ANKRD36: variants seen among roughly 807,000 people sequenced by gnomAD.
ANKRD36 encodes ankyrin repeat domain 36, also known as ankyrin repeat domain-containing protein 36A.
ANKRD36 carries 179 observed loss-of-function variants against 278.1 expected under a neutral mutation model. That is an observed-to-expected ratio of 0.64 (90% confidence interval 0.57 to 0.73). The LOEUF (loss-of-function observed/expected upper bound fraction) is 0.73, where lower values mean the gene tolerates loss of function less well. Ranked by LOEUF, ANKRD36 falls within the 30% of genes least tolerant of loss-of-function variation. ANKRD36 has a pLI of 0.00. For missense variants in ANKRD36, 1,159 were observed against 1,956.7 expected (o/e 0.59, Z 7.69); for synonymous variants, 320 against 641.1 (o/e 0.50, Z 7.57).
At chr2:97,156,853 C>G (rs528244774) in intron 15 of ANKRD36, among the ~76,000 whole-genome samples, 5,582 of 150,734 alleles carry the variant, frequency 0.037, 333 homozygotes, top group African/African-American at 0.13. Flanking sequence ...TAAAAGTGTT[C>G]CTATTTCTCC....
rs757586669 is a variant in ANKRD36, at chr2:97,118,217, G to A, written c.312+39G>A. 11 of 1,577,776 alleles carry A rather than the reference G, an allele frequency of 7.0e-6. No individual in the cohort carries two copies. In the Admixed American group the frequency reaches 7.4e-5, roughly 11 times the overall value. Reference sequence around the variant, plus strand: ...GACTCTTTGAGCATGAGATGGATTTGGTTGAAGTACATAGGATAAAATGAA... The same window carrying A: ...GACTCTTTGAGCATGAGATGGATTTAGTTGAAGTACATAGGATAAAATGAA... On this transcript the variant is annotated intron_variant, in intron 2 of 75. Transcript: ENST00000420699.
At position 97,260,410 on chromosome 2, in the gene ANKRD36, A is replaced by G. The variant is rs147877393; in HGVS notation, c.*7-3919A>G. 1.2e-3 allele frequency among the ~76,000 whole-genome samples: 153 copies of G among 131,412 alleles called. 2 individuals are homozygous for G. The highest frequency in any genetic ancestry group is 3.4e-3 in the African/African-American group (114 of 33,832). 86.2% of individuals were successfully genotyped at this position (131,412 alleles called of 152,430 possible). ...CATATATACATACACACACATACACATATACACACACACAAACACACACAC... is the reference window on the plus strand; with the variant it reads ...CATATATACATACACACACATACACGTATACACACACACAAACACACACAC... On this transcript the variant is annotated intron_variant, in intron 75 of 75. Transcript: ENST00000420699.
intron 24 of ANKRD36, among the ~76,000 whole-genome samples, chr2:97,180,137 C>T (rs1316690820): frequency 6.6e-6 from 1 of 151,442 alleles, no homozygotes; most frequent in Non-Finnish European, 1.5e-5. Context: ...GTAGACTTCC[C>T]TACATTGAAA....
intron 67 of ANKRD36, among the ~76,000 whole-genome samples, chr2:97,226,082 C>T (rs1431848652): frequency 6.6e-6 from 1 of 151,780 alleles, no homozygotes; most frequent in Non-Finnish European, 1.5e-5. Flanking sequence ...GCCGCAAAAA[C>T]ATATGTGTGC....
At chr2:97,173,007 C>T (rs2053084826) in intron 22 of ANKRD36, among the ~76,000 whole-genome samples, 2 of 150,580 alleles carry the variant, frequency 1.3e-5, no homozygotes, top group African/African-American at 4.9e-5. Context: ...TTTTTTATAC[C>T]TGCAAAAAAT....
intron 22 of ANKRD36, among the ~76,000 whole-genome samples, chr2:97,176,854 G>A (rs1177188858): frequency 6.6e-6 from 1 of 151,648 alleles, no homozygotes; most frequent in Non-Finnish European, 1.5e-5. Context: ...TTGCTTGTCT[G>A]TAAAGTATTT....
intron 6 of ANKRD36, among the ~76,000 whole-genome samples, chr2:97,134,292 AAG>A (rs1559266073): frequency 6.6e-6 from 1 of 152,196 alleles, no homozygotes; most frequent in East Asian, 1.9e-4. Flanking sequence ...CATGTTGAAA[AAG>A]CATAATTTAT....
At chr2:97,177,015 C>T (rs2054467670) in intron 22 of ANKRD36, among the ~76,000 whole-genome samples, 1 of 151,654 alleles carries the variant, frequency 6.6e-6, no homozygotes, top group African/African-American at 2.4e-5. Context: ...AAATCACAAG[C>T]ATTCTTATAC....
intron 6 of ANKRD36, among the ~76,000 whole-genome samples, chr2:97,127,814 A>G (rs1330201846): frequency 6.6e-6 from 1 of 151,956 alleles, no homozygotes; most frequent in African/African-American, 2.4e-5. Flanking sequence ...TGCCTTCTTC[A>G]TTTGTTTTAC....
chr2:97,179,050 T>C (rs550199313), intron 22 of ANKRD36, among the ~76,000 whole-genome samples: 1 of 151,706 alleles, frequency 6.6e-6, no homozygotes, highest in Admixed American at 6.6e-5. Flanking sequence ...ATTACACTTT[T>C]TGATGAAGTT....
intron 22 of ANKRD36, among the ~76,000 whole-genome samples, chr2:97,179,480 A>G (rs572347723): frequency 6.6e-6 from 1 of 151,712 alleles, no homozygotes; most frequent in South Asian, 2.1e-4. Flanking sequence ...ACATGGTTTT[A>G]TTTTAGTTTT....
intron 75 of ANKRD36, among the ~76,000 whole-genome samples, chr2:97,256,336 A>G (rs2076209078): frequency 6.6e-6 from 1 of 152,224 alleles, no homozygotes; most frequent in Admixed American, 6.5e-5. Flanking sequence ...TACCCTGGGC[A>G]ACAAAAGCAA....
In ANKRD36 at chr2:97,191,171, A is replaced by G; in HGVS notation, c.2337A>G (p.Lys779=). The part of the protein sequence containing the change: ...NIATEIKDGE[K]SGTVSSQKPP... ...CCACAGAAATAAAGGATGGAGAAAA[A>G]TCTGGGACAGGTAATTTTGCAAAAG... Residue 779 remains lysine, a synonymous_variant, in exon 36 of 76, where the codon AAA becomes AAG. Coordinates refer to ENST00000420699, the MANE Select transcript of ANKRD36 (RefSeq NM_001354587.1). The G allele has an allele frequency of 6.3e-7, 1 of 1,593,114 alleles. No homozygotes were observed. The highest frequency in any genetic ancestry group is 1.9e-4 in the Middle Eastern group (1 of 5,332).
intron 15 of ANKRD36, among the ~76,000 whole-genome samples, chr2:97,157,130 CCT>C (rs564270958): frequency 0.03 from 2,016 of 66,976 alleles, 41 homozygotes; most frequent in African/African-American, 0.062. Context: ...GTTTTTTTTT[CCT>C]CTCTCTCTCT....
chr2:97,209,569 G>A, intron 54 of ANKRD36, 112 bp from the exon 55 acceptor site: 2 of 1,567,182 alleles, frequency 1.3e-6, no homozygotes, highest in Non-Finnish European at 8.6e-7. Context: ...AGCCATCAAA[G>A]CCTCCACTAA....
intron 6 of ANKRD36, among the ~76,000 whole-genome samples, chr2:97,137,720 C>A (rs1445830211): frequency 6.6e-6 from 1 of 152,088 alleles, no homozygotes; most frequent in Non-Finnish European, 1.5e-5. Flanking sequence ...GACACTTCCA[C>A]CAACAGTGTA....
In ANKRD36 at chr2:97,204,521, C is replaced by T. The variant is rs60422069; in HGVS notation, c.3061+258C>T. ...GAGCAGTTCAAGGCATAAGGGGCTC[C>T]GGGGAACAACATAATTTTGCTTTAA... is the stretch of plus-strand genomic sequence containing the variant. On this transcript the variant is annotated intron_variant, in intron 50 of 75. Coordinates refer to ENST00000420699, the MANE Select transcript of ANKRD36 (RefSeq NM_001354587.1). Among the ~76,000 whole-genome samples, 168 of 143,836 alleles carry T rather than the reference C, an allele frequency of 1.2e-3. 1 individual carries two copies. Among genetic ancestry groups the T allele is most frequent in the Middle Eastern group, 3.6e-3 (1 of 276 alleles). 94.4% of individuals were successfully genotyped at this position (143,836 alleles called of 152,430 possible). A position where few individuals can be genotyped will look rare whatever the true frequency, so the allele number is the denominator to read the frequency against.
intron 15 of ANKRD36, among the ~76,000 whole-genome samples, chr2:97,155,366 A>C (rs1359890842): frequency 6.9e-6 from 1 of 145,196 alleles, no homozygotes; most frequent in East Asian, 2.0e-4. Context: ...CCACCTACTC[A>C]AGAGTTCAAG....
chr2:97,185,595 G>A lies in ANKRD36; in HGVS notation c.2041+85G>A, dbSNP rs530290639. ...CCCTGAATAAATCAGCGGGGGGCTC[G>A]TCAAAGCTGCACATTCTGATTCAGC... On this transcript the variant is annotated intron_variant, in intron 30 of 75. Transcript: ENST00000420699. The A allele has an allele frequency of 4.1e-5, 61 of 1,474,720 alleles. 1 individual carries two copies. The South Asian group carries it at 6.3e-4, about 15-fold the overall frequency. The allele number at this position is 1,474,720 out of a possible 1,614,324, so 91.4% of individuals were successfully genotyped here.
Sources: allele counts gnomAD v4.1 joint callset (sites outside exome capture counted in the v4.1 genomes callset), GRCh38; gene constraint gnomAD v4.1.1; transcripts MANE v1.5; gene names NCBI Gene and HGNC (gene_info 2026-07-23, HGNC 2026-07-21).